The following MS4A5 variants were observed in gnomAD, a reference collection of about 807,000 sequenced individuals.
MS4A5 encodes the protein membrane spanning 4-domains A5.
A neutral mutation model predicts 18.2 loss-of-function variants in MS4A5; 15 were observed. The observed-to-expected ratio is 0.83, with a 90% CI of 0.55 to 1.27. The LOEUF (loss-of-function observed/expected upper bound fraction) is 1.27, where lower values mean the gene tolerates loss of function less well. MS4A5 is among the 50% of genes most tolerant of loss of function. The pLI, the probability that MS4A5 is intolerant of heterozygous loss-of-function variation, is 0.00. For missense variants in MS4A5, 232 were observed against 225.7 expected, an observed-to-expected ratio of 1.03 and a Z score of -0.18; for synonymous variants, 89 against 78.7, an observed-to-expected ratio of 1.13 and a Z score of -0.69.
chr11:60,437,983 C>A lies in MS4A5; in HGVS notation c.492+4066C>A, dbSNP rs1303881439. ...AACAGAATATACATTTTTTTCAGCA[C>A]CACACCACACCTATTCCAAAATTGA... On this transcript the variant is annotated intron_variant, in intron 4 of 4. Transcript: ENST00000300190. Among the ~76,000 whole-genome samples the A allele has an allele frequency of 1.3e-5, 2 of 152,186 alleles. 1 individual carries two copies. Among genetic ancestry groups the A allele is most frequent in the East Asian group, 3.9e-4 (2 of 5,184 alleles).
chr11:60,432,050 G>C (rs1160577994), intron 2 of MS4A5, among the ~76,000 whole-genome samples: 1 of 152,140 alleles, frequency 6.6e-6, no homozygotes, highest in Non-Finnish European at 1.5e-5. Context: ...CTGGATTGCA[G>C]TAAGATGGAA....
intron 4 of MS4A5, 62 bp from the exon 5 acceptor site, chr11:60,447,587 G>A: frequency 3.4e-6 from 3 of 894,926 alleles, no homozygotes; most frequent in Admixed American, 2.6e-5. Flanking sequence ...TTATAATCAG[G>A]AAAACCGTTA....
intron 4 of MS4A5, among the ~76,000 whole-genome samples, chr11:60,437,959 A>G (rs2086090078): frequency 6.6e-6 from 1 of 152,194 alleles, no homozygotes; most frequent in South Asian, 2.1e-4. Flanking sequence ...CGCCAAATCA[A>G]CAGAATATAC....
chr11:60,432,637 T>G (rs1375836031), intron 3 of MS4A5, among the ~76,000 whole-genome samples, 170 bp downstream of exon 3: 3 of 151,718 alleles, frequency 2.0e-5, no homozygotes, highest in African/African-American at 7.3e-5. Flanking sequence ...AATACAAAAT[T>G]AGCCAGGTGT....
intron 4 of MS4A5, among the ~76,000 whole-genome samples, chr11:60,446,877 C>T (rs2086141325): frequency 6.6e-6 from 1 of 151,240 alleles, no homozygotes; most frequent in Non-Finnish European, 1.5e-5. Context: ...GTTCTTTTTC[C>T]TGTTTCTTCA....
At chr11:60,432,150 A>G (rs2086052141) in intron 2 of MS4A5, among the ~76,000 whole-genome samples, 1 of 152,218 alleles carries the variant, frequency 6.6e-6, no homozygotes, top group Non-Finnish European at 1.5e-5. Flanking sequence ...AACATGGATG[A>G]GTAAACCAAA....
Position 60,432,397 on chromosome 11 carries a change from A to T in MS4A5, c.283-14A>T. The T allele has an allele frequency of 6.5e-7, 1 of 1,543,394 alleles. No individual in the cohort carries two copies. On this transcript the variant is annotated splice_polypyrimidine_tract_variant and intron_variant, in intron 2 of 4. Coordinates refer to ENST00000300190, the MANE Select transcript of MS4A5 (RefSeq NM_023945.3). The stretch of plus-strand genomic sequence containing the variant: ...AAACATGGTCATCATTAACATATTT[A>T]TTCCTCTTAACAGTTCATTAATTCT...
At chr11:60,442,933 G>A (rs1211120589) in intron 4 of MS4A5, among the ~76,000 whole-genome samples, 1 of 152,192 alleles carries the variant, frequency 6.6e-6, no homozygotes, top group Non-Finnish European at 1.5e-5. Context: ...TTGAGGTCAG[G>A]AGTTTGAGAC....
chr11:60,435,490 G>C (rs942869788), intron 4 of MS4A5: 12 of 404,122 alleles, frequency 3.0e-5, no homozygotes, highest in African/African-American at 2.1e-4. Context: ...CGCAGAAGAC[G>C]GGTGATTTCT....
chr11:60,431,696 C>T lies in MS4A5; in HGVS notation c.283-715C>T, dbSNP rs2086049296. 2.0e-5 allele frequency among the ~76,000 whole-genome samples: 3 copies of T among 152,304 alleles called. No individual in the cohort carries two copies. The South Asian group carries it at 6.2e-4, about 32-fold the overall frequency. ...GAATGGTTAATCAGGTGAGGACACACACACAGAAGATGGGAGTTGGGATAC... is the reference window on the plus strand; with the variant it reads ...GAATGGTTAATCAGGTGAGGACACATACACAGAAGATGGGAGTTGGGATAC... On this transcript the variant is annotated intron_variant, in intron 2 of 4. Transcript: ENST00000300190.
At position 60,444,491 on chromosome 11, in the gene MS4A5, G is replaced by C. The variant is rs34961719; in HGVS notation, c.493-3158G>C. Among the ~76,000 whole-genome samples the C allele has an allele frequency of 2.6e-5, 4 of 151,808 alleles. No homozygotes were observed. The South Asian group carries it at 8.3e-4, about 31-fold the overall frequency. ...AAAATGGACTACCAAAGCACAGAAA[G>C]GGAGAAAATTTCCTCTCTCTATATA... On this transcript the variant is annotated intron_variant, in intron 4 of 4. Coordinates refer to ENST00000300190, the MANE Select transcript of MS4A5 (RefSeq NM_023945.3).
intron 4 of MS4A5, among the ~76,000 whole-genome samples, chr11:60,441,959 T>C (rs1383182970): frequency 6.6e-6 from 1 of 152,148 alleles, no homozygotes; most frequent in Non-Finnish European, 1.5e-5. Flanking sequence ...ATGCTCCTAA[T>C]AACAACTCAA....
rs1272871346 is a variant in MS4A5 at position 60,433,922 on chromosome 11, G to A, written c.492+5G>A. On this transcript the variant is annotated splice_donor_5th_base_variant and intron_variant, in intron 4 of 4. Transcript: ENST00000300190. The stretch of plus-strand genomic sequence containing the variant: ...GCTGTTACTGTCCTGTTCTTGGTAA[G>A]TATGTTGCATTTATAGAGTGATGAG... 6.2e-7 allele frequency: 1 copy of A among 1,613,240 alleles called. No homozygotes were observed.
At chr11:60,442,425 G>C (rs946645678) in intron 4 of MS4A5, among the ~76,000 whole-genome samples, 1 of 152,138 alleles carries the variant, frequency 6.6e-6, no homozygotes, top group South Asian at 2.1e-4. Flanking sequence ...TCACTCATAA[G>C]TGAGAGTTGA....
chr11:60,443,098 A>C (rs1234463063), intron 4 of MS4A5, among the ~76,000 whole-genome samples: 1 of 152,150 alleles, frequency 6.6e-6, no homozygotes, highest in African/African-American at 2.4e-5. Flanking sequence ...CCGGGACTGC[A>C]CCACTGCACT....
intron 1 of MS4A5, among the ~76,000 whole-genome samples, chr11:60,430,197 G>A (rs117467208): frequency 7.2e-4 from 110 of 152,114 alleles, no homozygotes; most frequent in Non-Finnish European, 1.2e-3. Flanking sequence ...GTCTTTCCCA[G>A]CACTTGTCAA....
intron 4 of MS4A5, chr11:60,435,257 A>G (rs149519054): frequency 6.2e-4 from 242 of 390,652 alleles, no homozygotes; most frequent in African/African-American, 4.8e-3. Flanking sequence ...AATTAACAGT[A>G]AGCACTCAAA....
intron 3 of MS4A5, among the ~76,000 whole-genome samples, chr11:60,433,544 T>C (rs2086062659): frequency 6.6e-6 from 1 of 152,240 alleles, no homozygotes; most frequent in Non-Finnish European, 1.5e-5. Context: ...GCATAGAATA[T>C]GGGGAATGGA....
Position 60,429,756 on chromosome 11 carries a change from C to T in MS4A5, c.82C>T (p.Leu28Phe), listed in dbSNP as rs1469524992. ...ITASEYESTELSATTFSTQSP... is the reference protein window; with the variant it reads ...ITASEYESTEFSATTFSTQSP... ...TGCTTCAGAATATGAGTCCACAGAA[C>T]TTTCAGCCACGACCTTTTCAACTCA... The change falls in exon 1 of 5, where the codon CTT becomes TTT. Residue 28 changes from leucine (L) to phenylalanine (F), a missense_variant. Coordinates refer to ENST00000300190, the MANE Select transcript of MS4A5 (RefSeq NM_023945.3). The T allele has an allele frequency of 6.2e-7, 1 of 1,614,072 alleles. No individual in the cohort carries two copies. The highest frequency in any genetic ancestry group is 8.5e-7 in the Non-Finnish European group (1 of 1,179,998).
Sources: gnomAD v4.1 joint callset for allele counts (sites outside exome capture counted in the v4.1 genomes callset) on GRCh38, gnomAD v4.1.1 for gene constraint, MANE v1.5 for transcripts, NCBI Gene and HGNC (gene_info 2026-07-23, HGNC 2026-07-21) for gene names.